CNBD1: variants seen among roughly 807,000 people sequenced by gnomAD.
CNBD1 encodes the protein cyclic nucleotide binding domain containing 1.
In CNBD1, 71 loss-of-function variants were observed where a neutral mutation model predicts 54.4. The ratio of observed to expected loss-of-function variants is 1.30; its 90% confidence interval spans 1.08 to 1.59. The LOEUF is 1.59. CNBD1 is among the 40% of genes most tolerant of loss of function. The probability of loss-of-function intolerance (pLI) is 0.00; values close to 1 mark genes in which losing one functional copy is unlikely to be tolerated. For missense variants in CNBD1, 659 were observed against 518.0 expected (o/e 1.27, Z -2.64); for synonymous variants, 182 against 170.7 (o/e 1.07, Z -0.51).
At chr8:87,422,889 A>T (rs1264575531) in intron 2 of CNBD1, among the ~76,000 whole-genome samples, 1 of 152,084 alleles carries the variant, frequency 6.6e-6, no homozygotes, top group African/African-American at 2.4e-5. Flanking sequence ...CACGATACTG[A>T]TTCTTCCTAC....
At chr8:87,193,159 A>G (rs1813647520) in intron 4 of CNBD1, among the ~76,000 whole-genome samples, 1 of 152,140 alleles carries the variant, frequency 6.6e-6, no homozygotes, top group South Asian at 2.1e-4. Flanking sequence ...AGCTTCCCCA[A>G]ATTCTCAGGG....
At chr8:86,941,234 C>T (rs1270207801) in intron 4 of CNBD1, among the ~76,000 whole-genome samples, 1 of 152,088 alleles carries the variant, frequency 6.6e-6, no homozygotes, top group Non-Finnish European at 1.5e-5. Flanking sequence ...TCTTAACCAC[C>T]TGTCATAGAA....
intron 8 of CNBD1, among the ~76,000 whole-genome samples, chr8:87,328,798 T>G (rs1248134671): frequency 2.6e-5 from 4 of 152,154 alleles, no homozygotes; most frequent in Admixed American, 2.6e-4. Context: ...TTTATATTTT[T>G]CAGTGTGCAA....
chr8:87,309,588 T>G (rs1809223148), intron 8 of CNBD1, among the ~76,000 whole-genome samples: 1 of 152,124 alleles, frequency 6.6e-6, no homozygotes, highest in South Asian at 2.1e-4. Context: ...ATAAGAAAAG[T>G]TTTTGTAGAC....
At chr8:86,916,846 G>A (rs1368571581) in intron 3 of CNBD1, among the ~76,000 whole-genome samples, 1 of 151,386 alleles carries the variant, frequency 6.6e-6, no homozygotes, top group Non-Finnish European at 1.5e-5. Flanking sequence ...TGGGATTACA[G>A]GTACCCACCA....
chr8:87,122,215 T>C (rs2130716932), intron 4 of CNBD1, among the ~76,000 whole-genome samples: 1 of 151,976 alleles, frequency 6.6e-6, no homozygotes, highest in Admixed American at 6.6e-5. Context: ...TTCTCTGTAT[T>C]CTCACCAAAC....
chr8:86,918,905 G>A (rs13257121), intron 3 of CNBD1, among the ~76,000 whole-genome samples: 71,646 of 150,686 alleles, frequency 0.48, 17,759 homozygotes, highest in South Asian at 0.6. Context: ...TCCTAGCCCC[G>A]CCTTTCTGAG....
chr8:87,067,943 T>A (rs1810687542), intron 4 of CNBD1, among the ~76,000 whole-genome samples: 2 of 152,046 alleles, frequency 1.3e-5, no homozygotes. Flanking sequence ...TGAGTTTTTC[T>A]TGAAAATAAT....
chr8:87,330,391 C>T (rs1254076995), intron 8 of CNBD1, among the ~76,000 whole-genome samples: 4 of 151,242 alleles, frequency 2.6e-5, no homozygotes, highest in African/African-American at 9.7e-5. Context: ...TTTCTGTTTA[C>T]TTGGATTAAT....
chr8:87,386,865 G>A (rs1051171034), downstream of CNBD1, among the ~76,000 whole-genome samples: 2 of 152,102 alleles, frequency 1.3e-5, no homozygotes, highest in African/African-American at 4.8e-5. Flanking sequence ...GAGAAAGGTG[G>A]GGTTACCCAC....
At chr8:87,105,526 C>A (rs1324360696) in intron 4 of CNBD1, among the ~76,000 whole-genome samples, 1 of 152,144 alleles carries the variant, frequency 6.6e-6, no homozygotes, top group African/African-American at 2.4e-5. Flanking sequence ...CCAGGGTCTT[C>A]ACAGCTTTTT....
At chr8:86,960,589 C>G (rs1449015836) in intron 4 of CNBD1, among the ~76,000 whole-genome samples, 1 of 152,214 alleles carries the variant, frequency 6.6e-6, no homozygotes, top group Non-Finnish European at 1.5e-5. Flanking sequence ...ACAGCAGAAA[C>G]TTCTGCAGAC....
intron 4 of CNBD1, among the ~76,000 whole-genome samples, chr8:87,068,670 T>A (rs1810702811): frequency 6.6e-6 from 1 of 152,112 alleles, no homozygotes; most frequent in South Asian, 2.1e-4. Flanking sequence ...AGATAATTTG[T>A]CAGAATCTGT....
intron 8 of CNBD1, among the ~76,000 whole-genome samples, chr8:87,329,477 G>C (rs1010759103): frequency 6.6e-6 from 1 of 152,046 alleles, no homozygotes; most frequent in Non-Finnish European, 1.5e-5. Flanking sequence ...CATAGCATCT[G>C]TATATTATTT....
intron 4 of CNBD1, among the ~76,000 whole-genome samples, chr8:87,076,214 A>C (rs1256311933): frequency 6.6e-6 from 1 of 152,170 alleles, no homozygotes; most frequent in Non-Finnish European, 1.5e-5. Context: ...AGATTTTATT[A>C]AACTTCAGAG....
intron 2 of CNBD1, among the ~76,000 whole-genome samples, chr8:87,401,436 T>G (rs974019780): frequency 2.0e-5 from 3 of 152,080 alleles, no homozygotes; most frequent in Admixed American, 6.6e-5. Flanking sequence ...GCTGCTCTAT[T>G]GGGTGACCAA....
intron 6 of CNBD1, among the ~76,000 whole-genome samples, chr8:87,276,699 G>C (rs1203948361): frequency 6.6e-6 from 1 of 151,862 alleles, no homozygotes; most frequent in South Asian, 2.1e-4. Flanking sequence ...AGGTTTTGAA[G>C]AGCAATCAAG....
chr8:87,195,067 T>G (rs1007253612), intron 4 of CNBD1, among the ~76,000 whole-genome samples: 1 of 151,792 alleles, frequency 6.6e-6, no homozygotes. Flanking sequence ...ATATTTTTAG[T>G]AGAGACAGGG....
At position 87,141,795 on chromosome 8, in the gene CNBD1, G is replaced by A. The variant is rs551319067; in HGVS notation, c.432-64198G>A. Among the ~76,000 whole-genome samples, 4 of 152,116 alleles carry A rather than the reference G, an allele frequency of 2.6e-5. No homozygotes were observed. In the South Asian group the frequency reaches 8.3e-4, roughly 32 times the overall value. On this transcript the variant is annotated intron_variant, in intron 4 of 10. Coordinates refer to ENST00000518476, the MANE Select transcript of CNBD1 (RefSeq NM_173538.3). ...CATAAAAGTTTTCATCTAGCCTTTTGCCCAATTATATTTTATATTCTGAAA... is the reference window on the plus strand; with the variant it reads ...CATAAAAGTTTTCATCTAGCCTTTTACCCAATTATATTTTATATTCTGAAA...
Sources: allele counts gnomAD v4.1 joint callset (sites outside exome capture counted in the v4.1 genomes callset), GRCh38; gene constraint gnomAD v4.1.1; transcripts MANE v1.5; gene names NCBI Gene and HGNC (gene_info 2026-07-23, HGNC 2026-07-21).